Variants in ZSWIM4 observed in about 807,000 individuals in gnomAD.
ZSWIM4 encodes zinc finger SWIM domain-containing protein 4.
Under a neutral mutation model 102.5 loss-of-function variants are expected in ZSWIM4, and 62 were observed. That is an observed-to-expected ratio of 0.60 (90% CI 0.49 to 0.75). ZSWIM4 has a LOEUF of 0.75. ZSWIM4 is among the 30% of genes least tolerant of loss of function. The pLI, the probability that ZSWIM4 is intolerant of heterozygous loss-of-function variation, is 0.00. For missense variants in ZSWIM4, 1,280 were observed against 1,529.6 expected (o/e 0.84, Z 2.72); for synonymous variants, 652 against 674.5 (o/e 0.97, Z 0.52).
At position 13,831,086 on chromosome 19, in the gene ZSWIM4, C is replaced by T. The variant is rs1362514454; in HGVS notation, c.*36C>T. 3 of 1,525,852 alleles carry T rather than the reference C, an allele frequency of 2.0e-6. No homozygotes were observed. Among genetic ancestry groups the T allele is most frequent in the African/African-American group, 2.8e-5 (2 of 72,464 alleles). 94.5% of individuals were successfully genotyped at this position (1,525,852 alleles called of 1,614,324 possible). ...GGTGCGTGGGAGTGGGGATCCCCCT[C>T]GCCCCTGCGTCCCCCACCCTTGCTC... is the stretch of plus-strand genomic sequence containing the variant. On this transcript the variant is annotated 3_prime_UTR_variant, in exon 14 of 14. Coordinates refer to ENST00000590508, the MANE Select transcript of ZSWIM4 (RefSeq NM_001367834.3).
chr19:13,816,843 C>G (rs1975302211), intron 7 of ZSWIM4, among the ~76,000 whole-genome samples: 1 of 151,976 alleles, frequency 6.6e-6, no homozygotes. Context: ...GCCCTAAAGG[C>G]TGTTGGGGCT....
rs1474190927 is a variant in ZSWIM4, at chr19:13,817,674, T to C, written c.1670-48T>C. The C allele has an allele frequency of 5.0e-6, 8 of 1,595,832 alleles. No individual in the cohort carries two copies. In the South Asian group the frequency reaches 9.1e-5, roughly 18 times the overall value. ...CTTGAGGCCAAGGGCTACAGGGACC[T>C]TAGGGAAGGGGATCCGTCTCCAGCA... On this transcript the variant is annotated intron_variant, in intron 8 of 13. Coordinates refer to ENST00000590508, the MANE Select transcript of ZSWIM4 (RefSeq NM_001367834.3).
At chr19:13,821,821 A>C (rs1171733832) in intron 10 of ZSWIM4, among the ~76,000 whole-genome samples, 3 of 151,648 alleles carry the variant, frequency 2.0e-5, no homozygotes, top group Non-Finnish European at 4.4e-5. Flanking sequence ...TGCAAGCTCC[A>C]AACCTCCCGG....
At chr19:13,814,437 TTGG>T (rs1305523015) in intron 6 of ZSWIM4, 75 bp from the exon 7 acceptor site, 23 of 827,632 alleles carry the variant, frequency 2.8e-5, no homozygotes, top group Non-Finnish European at 1.1e-5. Flanking sequence ...CAGTTAGTAC[TTGG>T]TGGGAAAAGC....
In ZSWIM4 at chr19:13,830,293, T is replaced by G; in HGVS notation, c.2564T>G (p.Leu855Arg). Residue 855 changes from leucine to arginine, a missense_variant, in exon 14 of 14, where the codon CTG becomes CGG. Physicochemically the swap from Leu to Arg is moderately radical, Grantham distance 102 (BLOSUM62 -2). Transcript: ENST00000590508. Reference protein sequence around the residue: ...VAVTGTTHATLLRLQLDTSRR... With the variant: ...VAVTGTTHATRLRLQLDTSRR... Reference sequence around the variant, plus strand: ...GTGACGGGCACCACACACGCCACTCTGCTGCGACTGCAGCTGGACACATCG... The same window carrying G: ...GTGACGGGCACCACACACGCCACTCGGCTGCGACTGCAGCTGGACACATCG... The G allele has an allele frequency of 1.9e-6, 3 of 1,613,870 alleles. No homozygotes were observed. Among genetic ancestry groups the G allele is most frequent in the East Asian group, 4.5e-5 (2 of 44,882 alleles).
At chr19:13,822,165 C>T (rs1233117300) in intron 10 of ZSWIM4, among the ~76,000 whole-genome samples, 2 of 3,870 alleles carry the variant, frequency 5.2e-4, no homozygotes, top group Middle Eastern at 0.12. Context: ...CACACACATA[C>T]ACACACACAC....
Position 13,830,456 on chromosome 19 carries a change from G to T in ZSWIM4, c.2727G>T (p.Val909=). ...HSAFEAAYQI[V]LDAAAGGLGH... ...CCTTCGAGGCGGCCTACCAGATCGTGCTGGACGCGGCGGCCGGCGGCCTGG... is the reference window on the plus strand; with the variant it reads ...CCTTCGAGGCGGCCTACCAGATCGTTCTGGACGCGGCGGCCGGCGGCCTGG... Residue 909 remains valine (V), a synonymous_variant, in exon 14 of 14, where the codon GTG becomes GTT. Coordinates refer to ENST00000590508, the MANE Select transcript of ZSWIM4 (RefSeq NM_001367834.3). 1 of 1,605,886 alleles carries T rather than the reference G, an allele frequency of 6.2e-7. No individual in the cohort carries two copies. Among genetic ancestry groups the T allele is most frequent in the East Asian group, 2.2e-5 (1 of 44,874 alleles).
Position 13,830,454 on chromosome 19 carries a change from G to A in ZSWIM4, c.2725G>A (p.Val909Met). Residue 909 changes from valine to methionine, a missense_variant, in exon 14 of 14, where the codon GTG (valine) becomes ATG (methionine). Transcript: ENST00000590508. Reference protein sequence around the residue: ...HSAFEAAYQIVLDAAAGGLGH... With the variant: ...HSAFEAAYQIMLDAAAGGLGH... ...GGCCTTCGAGGCGGCCTACCAGATCGTGCTGGACGCGGCGGCCGGCGGCCT... is the reference window on the plus strand; with the variant it reads ...GGCCTTCGAGGCGGCCTACCAGATCATGCTGGACGCGGCGGCCGGCGGCCT... The A allele has an allele frequency of 6.2e-7, 1 of 1,606,804 alleles. No homozygotes were observed. The highest frequency in any genetic ancestry group is 8.5e-7 in the Non-Finnish European group (1 of 1,179,880).
chr19:13,825,827 G>A lies in ZSWIM4; in HGVS notation c.2379+114G>A, dbSNP rs1387765408. 9.7e-6 allele frequency: 13 copies of A among 1,338,566 alleles called. No homozygotes were observed. The highest frequency in any genetic ancestry group is 2.5e-5 in the Admixed American group (1 of 40,528). 82.9% of individuals were successfully genotyped at this position (1,338,566 alleles called of 1,614,324 possible). A position where few individuals can be genotyped will look rare whatever the true frequency, so the allele number is the denominator to read the frequency against. On this transcript the variant is annotated intron_variant, in intron 12 of 13. Transcript: ENST00000590508. The surrounding 1 kb of genome is among the most constrained non-coding windows in gnomAD (Gnocchi z 4.6). ...TGTGAGCCACTTCGCTGGGGGCCCG[G>A]CATTTGCGTGAGCTATTCCTCTGTG...
Position 13,825,433 on chromosome 19 carries a change from C to A in ZSWIM4, c.2216-117C>A, listed in dbSNP as rs1275337832. ...CAGAACCATGGCCCAGTACACATCC[C>A]TCCACACTCACACATGTGCCCCTGG... is the stretch of plus-strand genomic sequence containing the variant. On this transcript the variant is annotated intron_variant, in intron 11 of 13. Transcript: ENST00000590508. This position sits in a 1 kb window ranked among gnomAD's most constrained non-coding sequence, Gnocchi z 4.6. 2.4e-6 allele frequency: 3 copies of A among 1,263,712 alleles called. No individual in the cohort carries two copies. Among genetic ancestry groups the A allele is most frequent in the Non-Finnish European group, 3.4e-6 (3 of 890,736 alleles). The allele number at this position is 1,263,712 out of a possible 1,614,324, so 78.3% of individuals were successfully genotyped here. A position where few individuals can be genotyped will look rare whatever the true frequency, so the allele number is the denominator to read the frequency against.
intron 5 of ZSWIM4, 30 bp from the exon 6 acceptor site, chr19:13,812,967 G>A (rs773391533): frequency 1.9e-6 from 3 of 1,572,412 alleles, no homozygotes; most frequent in East Asian, 2.3e-5. Flanking sequence ...CTGTTGGCAG[G>A]AATATTGAGC....
At chr19:13,814,173 C>T (rs1320307546) in intron 6 of ZSWIM4, among the ~76,000 whole-genome samples, 1 of 151,252 alleles carries the variant, frequency 6.6e-6, no homozygotes, top group African/African-American at 2.4e-5. Flanking sequence ...TCTCATTCCT[C>T]AGCCTCCCAA....
intron 12 of ZSWIM4, among the ~76,000 whole-genome samples, chr19:13,827,748 CAA>C (rs1427599395): frequency 6.6e-6 from 1 of 152,080 alleles, no homozygotes; most frequent in African/African-American, 2.4e-5. Context: ...AGAGGCTACT[CAA>C]GAGGTAGGAG....
rs1974736376 is a variant in ZSWIM4 at position 13,800,383 on chromosome 19, A to T, written c.355+462A>T. ...CGGGTTCACGCCATTCTCCTGCCTC[A>T]GCCTCCCAAGTAGCCGGGACTACAG... On this transcript the variant is annotated intron_variant, in intron 2 of 13. Transcript: ENST00000590508. Among the ~76,000 whole-genome samples the T allele has an allele frequency of 2.1e-5, 3 of 145,928 alleles. No individual in the cohort carries two copies. The South Asian group carries it at 6.5e-4, about 32-fold the overall frequency.
At chr19:13,827,597 A>AG (rs1975643875) in intron 12 of ZSWIM4, among the ~76,000 whole-genome samples, 1 of 151,054 alleles carries the variant, frequency 6.6e-6, no homozygotes, top group South Asian at 2.1e-4. Context: ...TCAAAAAAAA[A>AG]AAAAAAAAAA....
Position 13,830,382 on chromosome 19 carries a change from C to G in ZSWIM4, c.2653C>G (p.Gln885Glu), listed in dbSNP as rs752311241. ...LALQCAMKDPQNCALPALTLC... is the reference protein window; with the variant it reads ...LALQCAMKDPENCALPALTLC... Reference sequence around the variant, plus strand: ...CTTGCAGTGCGCGATGAAGGACCCTCAGAACTGCGCCTTGCCTGCCCTGAC... The same window carrying G: ...CTTGCAGTGCGCGATGAAGGACCCTGAGAACTGCGCCTTGCCTGCCCTGAC... Residue 885 changes from glutamine to glutamate, a missense_variant, in exon 14 of 14, where the codon CAG becomes GAG. Transcript: ENST00000590508. 3 of 1,612,788 alleles carry G rather than the reference C, an allele frequency of 1.9e-6. No homozygotes were observed. In the African/African-American group the frequency reaches 4.0e-5, roughly 22 times the overall value.
chr19:13,828,904 C>T (rs989251432), intron 13 of ZSWIM4, among the ~76,000 whole-genome samples, 178 bp downstream of exon 13: 1 of 151,624 alleles, frequency 6.6e-6, no homozygotes, highest in Non-Finnish European at 1.5e-5. Flanking sequence ...AGTTCAAGAG[C>T]AGCCTGGGTA....
In ZSWIM4 at chr19:13,828,695, G is replaced by T. The variant is rs1169157574; in HGVS notation, c.2430G>T (p.Val810=). ...NVMTWRRREM[V]RWLVSCATEI... is the part of the protein sequence containing the mutation. ...TGACCTGGCGGCGGAGGGAGATGGT[G>T]CGCTGGCTGGTCAGCTGTGCCACAG... Residue 810 remains valine, a synonymous_variant, in exon 13 of 14, where the codon GTG becomes GTT. Coordinates refer to ENST00000590508, the MANE Select transcript of ZSWIM4 (RefSeq NM_001367834.3). 1 of 1,614,184 alleles carries T rather than the reference G, an allele frequency of 6.2e-7. No individual in the cohort carries two copies. Among genetic ancestry groups the T allele is most frequent in the East Asian group, 2.2e-5 (1 of 44,876 alleles).
At chr19:13,824,058 G>C (rs1041857783) in intron 11 of ZSWIM4, among the ~76,000 whole-genome samples, 1 of 151,262 alleles carries the variant, frequency 6.6e-6, no homozygotes, top group African/African-American at 2.4e-5. Flanking sequence ...AGAGAGAGGA[G>C]GCTGGGAGAG....
Sources: gnomAD v4.1 joint callset for allele counts (sites outside exome capture counted in the v4.1 genomes callset) on GRCh38, gnomAD v4.1.1 for gene constraint, Gnocchi (gnomAD v3.1) non-coding constraint, MANE v1.5 for transcripts, NCBI Gene and HGNC (gene_info 2026-07-23, HGNC 2026-07-21) for gene names.